Variants in CYP26A1 observed in about 807,000 individuals in gnomAD.
The protein encoded by CYP26A1 is cytochrome P450 26A1.
In CYP26A1, 46 loss-of-function variants were observed where a neutral mutation model predicts 47.4. That is an observed-to-expected ratio of 0.97 (90% CI 0.77 to 1.24). The LOEUF (loss-of-function observed/expected upper bound fraction) is 1.24, where lower values mean the gene tolerates loss of function less well. Among genes scored for constraint, CYP26A1 ranks in the 50% most tolerant of loss-of-function variants. The probability of loss-of-function intolerance (pLI) is 0.00; values close to 1 mark genes in which losing one functional copy is unlikely to be tolerated. For synonymous variants in CYP26A1, 277 were observed against 263.7 expected, an observed-to-expected ratio of 1.05 and a Z score of -0.49; for missense variants, 680 against 644.4, an observed-to-expected ratio of 1.06 and a Z score of -0.60.
Position 93,077,016 on chromosome 10 carries a change from T to C in CYP26A1, c.1206T>C (p.His402=). The C allele has an allele frequency of 1.2e-6, 2 of 1,613,690 alleles. No homozygotes were observed. Among genetic ancestry groups the C allele is most frequent in the South Asian group, 1.1e-5 (1 of 91,034 alleles). Residue 402 remains histidine, a synonymous_variant, in exon 7 of 7, where the codon CAT becomes CAC. Coordinates refer to ENST00000224356, the MANE Select transcript of CYP26A1 (RefSeq NM_000783.4). The part of the protein sequence containing the change: ...WNVIYSICDT[H]DVAEIFTNKE... The stretch of plus-strand genomic sequence containing the variant: ...TTATCTACAGTATCTGTGATACTCA[T>C]GATGTGGCAGAGATCTTCACCAACA...
chr10:93,076,877 T>C (rs1846984417), intron 6 of CYP26A1, 86 bp from the exon 7 acceptor site: 3 of 1,058,366 alleles, frequency 2.8e-6, no homozygotes, highest in Non-Finnish European at 4.1e-6. Flanking sequence ...GCTCATAATT[T>C]CCCCCAAAGA....
rs895593603 is a variant in CYP26A1 at position 93,076,531 on chromosome 10, A to G, written c.1000-13A>G. ...CAAAATAACTGTTCACCTCTGTATG[A>G]CTGTTTTGATAGGGTTTACTTTGCA... On this transcript the variant is annotated splice_polypyrimidine_tract_variant and intron_variant, in intron 5 of 6. Transcript: ENST00000224356. The G allele has an allele frequency of 6.3e-7, 1 of 1,590,754 alleles. No homozygotes were observed. Among genetic ancestry groups the G allele is most frequent in the East Asian group, 2.2e-5 (1 of 44,736 alleles).
At position 93,075,977 on chromosome 10, in the gene CYP26A1, TG is replaced by T. The variant is rs1564957798; in HGVS notation, c.999+22del. On this transcript the variant is annotated intron_variant, in intron 5 of 6. Transcript: ENST00000224356. ...AAGAGTAAGGTAGGGAGACTGGGTC[TG>T]GGGGTGTCCTTATTAGCTTAGGAAA... 1 of 1,607,114 alleles carries T rather than the reference TG, an allele frequency of 6.2e-7. No individual in the cohort carries two copies. Among genetic ancestry groups the T allele is most frequent in the Non-Finnish European group, 8.5e-7 (1 of 1,173,800 alleles).
rs752407845 is a variant in CYP26A1, at chr10:93,076,559, A to C, written c.1015A>C (p.Ser339Arg). Reference protein sequence around the residue: ...ELKSKGLLCKSNQDNKLDMEI... With the variant: ...ELKSKGLLCKRNQDNKLDMEI... ...GTTTTGATAGGGTTTACTTTGCAAG[A>C]GCAATCAAGACAACAAGTTGGACAT... Residue 339 changes from serine to arginine, a missense_variant, in exon 6 of 7, where the codon AGC (serine) becomes CGC (arginine). Transcript: ENST00000224356. 12 of 1,607,592 alleles carry C rather than the reference A, an allele frequency of 7.5e-6. No individual in the cohort carries two copies. The South Asian group carries it at 8.9e-5, about 12-fold the overall frequency.
At chr10:93,075,099 G>C in intron 3 of CYP26A1, 30 bp downstream of exon 3, 1 of 1,611,030 alleles carries the variant, frequency 6.2e-7, no homozygotes, top group Admixed American at 1.7e-5. Flanking sequence ...TGCGGACTAG[G>C]GGCGCGGGAC....
At chr10:93,073,738 CG>C (rs1564956136), upstream of CYP26A1, 1 of 559,568 alleles carries the variant, frequency 1.8e-6, no homozygotes, top group African/African-American at 2.0e-5. Flanking sequence ...GCGGAACAAA[CG>C]GTTAAAGATT....
At chr10:93,076,360 G>A in intron 5 of CYP26A1, 184 bp from the exon 6 acceptor site, 2 of 571,646 alleles carry the variant, frequency 3.5e-6, no homozygotes, top group South Asian at 2.3e-5. Context: ...GCATTCTCCT[G>A]GGATTGTAAA....
rs368680474 is a variant in CYP26A1, at chr10:93,074,911, C to A, written c.547C>A (p.Arg183Ser). Residue 183 changes from arginine to serine, a missense_variant, in exon 3 of 7, where the codon CGC becomes AGC. Coordinates refer to ENST00000224356, the MANE Select transcript of CYP26A1 (RefSeq NM_000783.4). This position sits in a 1 kb window ranked among gnomAD's most constrained non-coding sequence, Gnocchi z 5.3. ...CCTCCTGGTCTACCCCGAGGTGAAGCGCCTCATGTTCCGAATCGCCATGCG... is the reference window on the plus strand; with the variant it reads ...CCTCCTGGTCTACCCCGAGGTGAAGAGCCTCATGTTCCGAATCGCCATGCG... ...RGLLVYPEVK[R>S]LMFRIAMRIL... 2 of 1,613,102 alleles carry A rather than the reference C, an allele frequency of 1.2e-6. No homozygotes were observed. Among genetic ancestry groups the A allele is most frequent in the African/African-American group, 2.7e-5 (2 of 74,952 alleles).
At chr10:93,076,841 C>G (rs1846984199) in intron 6 of CYP26A1, 122 bp from the exon 7 acceptor site, 1 of 895,324 alleles carries the variant, frequency 1.1e-6, no homozygotes. Flanking sequence ...ATCCACCTCT[C>G]TCTTTCTACC....
chr10:93,076,201 AC>A (rs1244444860), intron 5 of CYP26A1: 5 of 526,328 alleles, frequency 9.5e-6, no homozygotes, highest in Non-Finnish European at 1.7e-5. Flanking sequence ...CTTTTGCTGA[AC>A]CGTGGAGATT....
In CYP26A1 at chr10:93,074,142, G is replaced by GC; in HGVS notation, c.189+19_189+20insC. The stretch of plus-strand genomic sequence containing the variant: ...ACTGCAGGTAAGGGAGGGTGGGGCG[G>GC]GACAGGCTGCTTCCCCGGAGCCCGG... On this transcript the variant is annotated intron_variant, in intron 1 of 6. Coordinates refer to ENST00000224356, the MANE Select transcript of CYP26A1 (RefSeq NM_000783.4). The surrounding 1 kb of genome is among the most constrained non-coding windows in gnomAD (Gnocchi z 5.3). 2 of 572,846 alleles carry GC rather than the reference G, an allele frequency of 3.5e-6. No homozygotes were observed. Among genetic ancestry groups the GC allele is most frequent in the Non-Finnish European group, 6.2e-6 (2 of 321,102 alleles). 35.5% of individuals were successfully genotyped at this position (572,846 alleles called of 1,614,324 possible). A position where few individuals can be genotyped will look rare whatever the true frequency, so the allele number is the denominator to read the frequency against.
rs536339917 is a variant in CYP26A1, at chr10:93,074,090, C to A, written c.156C>A (p.Pro52=). The change falls in exon 1 of 7, where the codon CCC becomes CCA. Residue 52 remains proline (P), a synonymous_variant. Coordinates refer to ENST00000224356, the MANE Select transcript of CYP26A1 (RefSeq NM_000783.4). The surrounding 1 kb of genome is among the most constrained non-coding windows in gnomAD (Gnocchi z 5.3). ...LPLPPGTMGF[P]FFGETLQMVL... is the part of the protein sequence containing the mutation. ...TGCCCCCCGGGACTATGGGCTTCCC[C>A]TTCTTTGGGGAAACCTTGCAGATGG... The A allele has an allele frequency of 2.3e-5, 31 of 1,362,936 alleles. No individual in the cohort carries two copies. In the South Asian group the frequency reaches 3.2e-4, roughly 14 times the overall value. 84.4% of individuals were successfully genotyped at this position (1,362,936 alleles called of 1,614,324 possible).
At chr10:93,075,647 T>C (rs1846968248) in intron 4 of CYP26A1, 179 bp from the exon 5 acceptor site, 1 of 598,798 alleles carries the variant, frequency 1.7e-6, no homozygotes, top group African/African-American at 1.9e-5. Flanking sequence ...GCCTTACTGC[T>C]CCAGCTGAAC....
Position 93,075,763 on chromosome 10 carries a change from G to C in CYP26A1, c.865-63G>C, listed in dbSNP as rs950927364. The stretch of plus-strand genomic sequence containing the variant: ...CCTCCAGAACTCTCAGTTCGATTCT[G>C]AGTAATCCTTCTGTCAAACCGCAGG... On this transcript the variant is annotated intron_variant, in intron 4 of 6. Coordinates refer to ENST00000224356, the MANE Select transcript of CYP26A1 (RefSeq NM_000783.4). 2.3e-6 allele frequency: 3 copies of C among 1,315,958 alleles called. No individual in the cohort carries two copies. The African/African-American group carries it at 4.3e-5, about 19-fold the overall frequency. 81.5% of individuals were successfully genotyped at this position (1,315,958 alleles called of 1,614,324 possible).
In CYP26A1 at chr10:93,074,696, G is replaced by C. The variant is rs966346666; in HGVS notation, c.415-83G>C. 7.9e-7 allele frequency: 1 copy of C among 1,259,888 alleles called. No individual in the cohort carries two copies. Among genetic ancestry groups the C allele is most frequent in the South Asian group, 1.3e-5 (1 of 75,550 alleles). The allele number at this position is 1,259,888 out of a possible 1,614,324, so 78.0% of individuals were successfully genotyped here. A position where few individuals can be genotyped will look rare whatever the true frequency, so the allele number is the denominator to read the frequency against. The stretch of plus-strand genomic sequence containing the variant: ...TCGGAGAGTGCCATGTGTCTGGCAG[G>C]ACTGGGGGTGTCTGGAAGGGGACGG... On this transcript the variant is annotated intron_variant, in intron 2 of 6. Transcript: ENST00000224356. The surrounding 1 kb of genome is among the most constrained non-coding windows in gnomAD (Gnocchi z 5.3).
At chr10:93,075,710 A>T (rs1846969044) in intron 4 of CYP26A1, 116 bp from the exon 5 acceptor site, 1 of 763,648 alleles carries the variant, frequency 1.3e-6, no homozygotes, top group South Asian at 1.7e-5. Context: ...ACTTTCTGTC[A>T]GCAAAACATT....
chr10:93,074,037 G>T lies in CYP26A1; in HGVS notation c.103G>T (p.Gly35Cys). 1 of 1,608,452 alleles carries T rather than the reference G, an allele frequency of 6.2e-7. No homozygotes were observed. Among genetic ancestry groups the T allele is most frequent in the Non-Finnish European group, 8.5e-7 (1 of 1,176,518 alleles). ...GCTCTGGGACCTGTACTGCGTGAGC[G>T]GCCGCGACCGCAGTTGTGCCCTCCC... ...IKLWDLYCVS[G>C]RDRSCALPLP... Residue 35 changes from glycine (G) to cysteine (C), a missense_variant, in exon 1 of 7, where the codon GGC becomes TGC. By Grantham distance (159) the Gly-to-Cys change is radical. Coordinates refer to ENST00000224356, the MANE Select transcript of CYP26A1 (RefSeq NM_000783.4). This position sits in a 1 kb window ranked among gnomAD's most constrained non-coding sequence, Gnocchi z 5.3.
In CYP26A1 at chr10:93,077,034, C is replaced by A. The variant is rs1446088695; in HGVS notation, c.1224C>A (p.Phe408Leu). 3 of 1,613,692 alleles carry A rather than the reference C, an allele frequency of 1.9e-6. No individual in the cohort carries two copies. Among genetic ancestry groups the A allele is most frequent in the Non-Finnish European group, 2.5e-6 (3 of 1,179,678 alleles). The change falls in exon 7 of 7, where the codon TTC becomes TTA. Residue 408 changes from phenylalanine (F) to leucine (L), a missense_variant. By Grantham distance (22) the Phe-to-Leu change is conservative. Transcript: ENST00000224356. Reference sequence around the variant, plus strand: ...ATACTCATGATGTGGCAGAGATCTTCACCAACAAGGAAGAATTTAATCCTG... The same window carrying A: ...ATACTCATGATGTGGCAGAGATCTTAACCAACAAGGAAGAATTTAATCCTG... ...ICDTHDVAEI[F>L]TNKEEFNPDR...
In CYP26A1 at chr10:93,076,704, A is replaced by G; in HGVS notation, c.1152+8A>G. 1 of 1,586,572 alleles carries G rather than the reference A, an allele frequency of 6.3e-7. No individual in the cohort carries two copies. The highest frequency in any genetic ancestry group is 2.2e-5 in the East Asian group (1 of 44,732). On this transcript the variant is annotated splice_region_variant and intron_variant, in intron 6 of 6. Transcript: ENST00000224356. ...AAGACTTTTGAATTAAATGTAAGTTAAAATTCTCTTCTTTCTCCCTTTTGT... is the reference window on the plus strand; with the variant it reads ...AAGACTTTTGAATTAAATGTAAGTTGAAATTCTCTTCTTTCTCCCTTTTGT...
Sources: gnomAD v4.1 joint callset for allele counts on GRCh38, gnomAD v4.1.1 for gene constraint, Gnocchi (gnomAD v3.1) non-coding constraint, MANE v1.5 for transcripts, NCBI Gene and HGNC (gene_info 2026-07-23, HGNC 2026-07-21) for gene names.